The following UBAC2 variants were observed in gnomAD, a reference collection of about 807,000 sequenced individuals.
UBAC2 encodes the protein ubiquitin-associated domain-containing protein 2.
A neutral mutation model predicts 44.0 loss-of-function variants in UBAC2; 26 were observed. That is an observed-to-expected ratio of 0.59 (90% CI 0.43 to 0.82). The LOEUF is 0.82. Among genes scored for constraint, UBAC2 ranks in the 40% least tolerant of loss-of-function variants. The pLI is 0.00. For synonymous variants in UBAC2, 155 were observed against 154.3 expected (o/e 1.00, Z -0.04); for missense variants, 329 against 419.4 (o/e 0.78, Z 1.88).
At chr13:99,383,349 C>G (rs993613772) in intron 8 of UBAC2, among the ~76,000 whole-genome samples, 1 of 45,122 alleles carries the variant, frequency 2.2e-5, no homozygotes, top group African/African-American at 6.1e-5. Flanking sequence ...ATTTTCCAGC[C>G]AACCAAATGA....
At chr13:99,255,271 A>T (rs761883130) in intron 4 of UBAC2, 1 of 1,614,118 alleles carries the variant, frequency 6.2e-7, no homozygotes, top group Non-Finnish European at 8.5e-7. Flanking sequence ...AATCATGATG[A>T]ACAAAGGAAT....
At chr13:99,305,148 A>G (rs1283610311) in intron 4 of UBAC2, among the ~76,000 whole-genome samples, 2 of 152,254 alleles carry the variant, frequency 1.3e-5, no homozygotes, top group East Asian at 3.8e-4. Context: ...AATATCTAGA[A>G]TAGGCTTTTA....
intron 4 of UBAC2, among the ~76,000 whole-genome samples, chr13:99,258,740 T>C (rs2043611964): frequency 6.6e-6 from 1 of 152,196 alleles, no homozygotes; most frequent in Admixed American, 6.5e-5. Context: ...GAGATAATAC[T>C]ATATCCAGTA....
intron 4 of UBAC2, chr13:99,296,181 A>G (rs1402611416): frequency 2.0e-6 from 3 of 1,528,774 alleles, no homozygotes; most frequent in Non-Finnish European, 2.6e-6. Context: ...AAAACCAAGA[A>G]GGATCATATA....
intron 1 of UBAC2, among the ~76,000 whole-genome samples, chr13:99,210,236 C>T (rs1593997430): frequency 6.6e-6 from 1 of 152,044 alleles, no homozygotes; most frequent in East Asian, 1.9e-4. Flanking sequence ...TCATCAGAGA[C>T]AATTCTGTGA....
intron 4 of UBAC2, among the ~76,000 whole-genome samples, chr13:99,248,634 TG>T (rs1213012428): frequency 1.3e-5 from 2 of 152,148 alleles, no homozygotes; most frequent in African/African-American, 2.4e-5. Context: ...CGACCTGCCT[TG>T]GCCTCCCAAA....
intron 1 of UBAC2, among the ~76,000 whole-genome samples, chr13:99,213,397 G>A (rs1308845249): frequency 6.6e-6 from 1 of 151,750 alleles, no homozygotes; most frequent in Admixed American, 6.6e-5. Flanking sequence ...GTCTTGCTCT[G>A]TCGTCCAGCC....
intron 4 of UBAC2, among the ~76,000 whole-genome samples, chr13:99,285,152 T>C (rs1016833679): frequency 6.6e-6 from 1 of 151,578 alleles, no homozygotes; most frequent in Non-Finnish European, 1.5e-5. Flanking sequence ...TTCTGTAATA[T>C]TATTTACTAC....
chr13:99,291,168 G>A (rs115348566), intron 4 of UBAC2, among the ~76,000 whole-genome samples: 4 of 152,326 alleles, frequency 2.6e-5, no homozygotes, highest in African/African-American at 9.6e-5. Context: ...GTCATACCAT[G>A]TCTTAAGGTA....
chr13:99,254,385 C>T (rs1407502850), intron 4 of UBAC2, among the ~76,000 whole-genome samples: 2 of 152,162 alleles, frequency 1.3e-5, no homozygotes, highest in Non-Finnish European at 2.9e-5. Flanking sequence ...ATGGCTGTAA[C>T]AGGCCCCTTG....
chr13:99,301,178 A>T (rs886980961), intron 4 of UBAC2, among the ~76,000 whole-genome samples: 2 of 152,166 alleles, frequency 1.3e-5, no homozygotes, highest in Non-Finnish European at 2.9e-5. Context: ...GCCCACACTG[A>T]GGGACAGGAG....
chr13:99,321,198 G>T (rs538436052), intron 6 of UBAC2, among the ~76,000 whole-genome samples: 1 of 152,282 alleles, frequency 6.6e-6, no homozygotes, highest in South Asian at 2.1e-4. Flanking sequence ...TGAGTAATTT[G>T]TTATTTGCTG....
At chr13:99,319,385 A>C (rs553148954) in intron 6 of UBAC2, among the ~76,000 whole-genome samples, 4 of 152,334 alleles carry the variant, frequency 2.6e-5, no homozygotes, top group African/African-American at 9.6e-5. Flanking sequence ...TTTCACTGCA[A>C]TCACTGTACA....
At chr13:99,351,437 C>A in intron 7 of UBAC2, 2 of 425,758 alleles carry the variant, frequency 4.7e-6, no homozygotes, top group South Asian at 1.7e-5. Flanking sequence ...GATCTCTTGC[C>A]TCTTTATCTT....
intron 4 of UBAC2, among the ~76,000 whole-genome samples, chr13:99,296,328 T>G (rs547889372): frequency 6.6e-6 from 1 of 152,330 alleles, no homozygotes; most frequent in East Asian, 1.9e-4. Flanking sequence ...CAGTTTATAA[T>G]TATAATATGG....
At chr13:99,320,927 G>T (rs1469965644) in intron 6 of UBAC2, among the ~76,000 whole-genome samples, 2 of 152,044 alleles carry the variant, frequency 1.3e-5, no homozygotes, top group Non-Finnish European at 2.9e-5. Flanking sequence ...CCCTTTTTGG[G>T]GAGATATTTA....
intron 8 of UBAC2, among the ~76,000 whole-genome samples, chr13:99,382,861 G>A (rs2045568897): frequency 6.6e-6 from 1 of 152,212 alleles, no homozygotes; most frequent in Non-Finnish European, 1.5e-5. Flanking sequence ...GGCAGAGACA[G>A]CAACACAGCA....
At chr13:99,305,017 G>T (rs1032270822) in intron 4 of UBAC2, among the ~76,000 whole-genome samples, 1 of 152,102 alleles carries the variant, frequency 6.6e-6, no homozygotes, top group African/African-American at 2.4e-5. Context: ...GAGTTTATTA[G>T]TTTATTTGTA....
At chr13:99,203,407 C>T (rs189052762) in intron 1 of UBAC2, among the ~76,000 whole-genome samples, 45 of 152,310 alleles carry the variant, frequency 3.0e-4, no homozygotes, top group African/African-American at 7.9e-4. Context: ...GAAAGAAGGA[C>T]GACACGTGTA....
Sources: allele counts gnomAD v4.1 joint callset (sites outside exome capture counted in the v4.1 genomes callset), GRCh38; gene constraint gnomAD v4.1.1; transcripts MANE v1.5; gene names NCBI Gene and HGNC (gene_info 2026-07-23, HGNC 2026-07-21).